Variants in CSN3 observed in about 807,000 individuals in gnomAD.
CSN3 encodes kappa-casein.
In CSN3, 7 loss-of-function variants were observed where a neutral mutation model predicts 9.9. The observed-to-expected ratio is 0.71, with a 90% CI of 0.40 to 1.33. CSN3 has a LOEUF of 1.33. Among genes scored for constraint, CSN3 ranks in the 40% most tolerant of loss-of-function variants. The pLI, the probability that CSN3 is intolerant of heterozygous loss-of-function variation, is 0.01. For missense variants in CSN3, 253 were observed against 227.9 expected, an observed-to-expected ratio of 1.11 and a Z score of -0.71; for synonymous variants, 88 against 82.3, an observed-to-expected ratio of 1.07 and a Z score of -0.37.
chr4:70,241,337 T>A (rs1730265214), upstream of CSN3, among the ~76,000 whole-genome samples: 1 of 152,060 alleles, frequency 6.6e-6, no homozygotes, highest in Non-Finnish European at 1.5e-5. Context: ...AAATTTCATA[T>A]TACTATTTTA....
chr4:70,245,855 T>A (rs927337581), intron 2 of CSN3, among the ~76,000 whole-genome samples: 5 of 152,194 alleles, frequency 3.3e-5, no homozygotes, highest in African/African-American at 1.2e-4. Flanking sequence ...TTTAAAACTT[T>A]GAGTTCTACA....
chr4:70,240,706 A>G (rs1248897657), upstream of CSN3, among the ~76,000 whole-genome samples: 2 of 152,034 alleles, frequency 1.3e-5, no homozygotes, highest in African/African-American at 4.8e-5. Context: ...CAATGTTACC[A>G]GTACTCAAGT....
exon 1 of CSN3, chr4:70,242,634 T>G (rs1398640924): frequency 6.6e-6 from 1 of 152,092 alleles, no homozygotes; most frequent in African/African-American, 2.4e-5. Flanking sequence ...CTCAACCTAC[T>G]GCCAACCAAG....
intron 4 of CSN3, among the ~76,000 whole-genome samples, chr4:70,249,803 C>T (rs6811557): frequency 6.6e-6 from 1 of 152,156 alleles, no homozygotes; most frequent in Non-Finnish European, 1.5e-5. Context: ...CACACACAAA[C>T]TATGACAGTA....
chr4:70,242,660 G>A (rs1248963102), exon 1 of CSN3: 3 of 152,046 alleles, frequency 2.0e-5, no homozygotes, highest in Non-Finnish European at 2.9e-5. Flanking sequence ...ACTGGCACGA[G>A]GAAAGGTAAT....
chr4:70,239,806 T>G (rs1284333226), upstream of CSN3, among the ~76,000 whole-genome samples: 5 of 152,002 alleles, frequency 3.3e-5, no homozygotes, highest in Non-Finnish European at 5.9e-5. Context: ...ATTTTGATAT[T>G]CCACTTTGCT....
rs999097567 is a variant in CSN3, at chr4:70,249,506, T to C, written c.*34+13T>C. The C allele has an allele frequency of 7.0e-7, 1 of 1,422,210 alleles. No homozygotes were observed. 88.1% of individuals were successfully genotyped at this position (1,422,210 alleles called of 1,614,324 possible). On this transcript the variant is annotated intron_variant, in intron 4 of 4. Coordinates refer to ENST00000304954, the Ensembl canonical transcript of CSN3. ...GAACACAACGCAGGTAAATTAACAG[T>C]ATATAAAATGAGTAATTCCGACAAG... is the stretch of plus-strand genomic sequence containing the variant.
At chr4:70,241,386 A>G (rs1038260047), upstream of CSN3, among the ~76,000 whole-genome samples, 2 of 152,008 alleles carry the variant, frequency 1.3e-5, no homozygotes, top group African/African-American at 4.8e-5. Flanking sequence ...GGTTTAGAAT[A>G]TTGTTCCTAA....
At chr4:70,250,274 A>G (rs556438463) in intron 4 of CSN3, among the ~76,000 whole-genome samples, 1 of 151,356 alleles carries the variant, frequency 6.6e-6, no homozygotes, top group Admixed American at 6.6e-5. Context: ...AAAGTTGCAA[A>G]ATGTGGAGTT....
At chr4:70,241,650 A>G (rs1303565340), upstream of CSN3, among the ~76,000 whole-genome samples, 1 of 152,018 alleles carries the variant, frequency 6.6e-6, no homozygotes, top group Non-Finnish European at 1.5e-5. Flanking sequence ...AATATTCTCA[A>G]TGTCAGTGGG....
chr4:70,241,269 A>T (rs1421749162), upstream of CSN3, among the ~76,000 whole-genome samples: 1 of 152,004 alleles, frequency 6.6e-6, no homozygotes, highest in Admixed American at 6.6e-5. Context: ...TGGTTTAGCC[A>T]TTTTAAATTC....
intron 2 of CSN3, among the ~76,000 whole-genome samples, chr4:70,247,379 A>G (rs551490212): frequency 2.2e-4 from 33 of 152,328 alleles, no homozygotes; most frequent in Middle Eastern, 6.8e-3. Flanking sequence ...GCAATATTTT[A>G]AATCTTCTAA....
At chr4:70,245,998 C>T (rs927954724) in intron 2 of CSN3, among the ~76,000 whole-genome samples, 11 of 152,102 alleles carry the variant, frequency 7.2e-5, no homozygotes, top group African/African-American at 2.2e-4. Context: ...CTACCTGAGC[C>T]GGATTCGTCT....
upstream of CSN3, among the ~76,000 whole-genome samples, chr4:70,241,242 T>C (rs966374323): frequency 6.6e-6 from 1 of 152,000 alleles, no homozygotes; most frequent in African/African-American, 2.4e-5. Flanking sequence ...ATGGCTGGTG[T>C]TATTACTTTA....
chr4:70,243,580 C>G (rs1206506455), intron 1 of CSN3, among the ~76,000 whole-genome samples: 1 of 151,998 alleles, frequency 6.6e-6, no homozygotes, highest in African/African-American at 2.4e-5. Context: ...GGCTTTAATT[C>G]TGTGAATCTT....
intron 2 of CSN3, among the ~76,000 whole-genome samples, chr4:70,245,470 C>T (rs781387478): frequency 1.3e-5 from 2 of 152,122 alleles, no homozygotes; most frequent in Non-Finnish European, 2.9e-5. Context: ...GGCTTGCAGG[C>T]ATTATCTTGA....
At chr4:70,245,912 CTT>C (rs1293514309) in intron 2 of CSN3, among the ~76,000 whole-genome samples, 1 of 152,110 alleles carries the variant, frequency 6.6e-6, no homozygotes, top group Non-Finnish European at 1.5e-5. Flanking sequence ...TAGGTTGTCT[CTT>C]TGAGTAATAG....
In CSN3 at chr4:70,244,805, T is replaced by C. The variant is rs537803187; in HGVS notation, c.-8-7T>C. 1.6e-5 allele frequency: 24 copies of C among 1,495,348 alleles called. No homozygotes were observed. In the South Asian group the frequency reaches 3.3e-4, roughly 21 times the overall value. 92.6% of individuals were successfully genotyped at this position (1,495,348 alleles called of 1,614,324 possible). Reference sequence around the variant, plus strand: ...TTAAATTAATTTTTTTTTAAATTTATCTTTAGGTGCAATAATGAAGAGTTT... The same window carrying C: ...TTAAATTAATTTTTTTTTAAATTTACCTTTAGGTGCAATAATGAAGAGTTT... On this transcript the variant is annotated splice_polypyrimidine_tract_variant and splice_region_variant and intron_variant, in intron 1 of 4. Transcript: ENST00000304954.
intron 2 of CSN3, among the ~76,000 whole-genome samples, chr4:70,246,084 T>G (rs1228313575): frequency 6.6e-6 from 1 of 151,940 alleles, no homozygotes; most frequent in Non-Finnish European, 1.5e-5. Context: ...AAAAAAAAAT[T>G]TATTGATTTT....
Sources: allele counts gnomAD v4.1 joint callset (sites outside exome capture counted in the v4.1 genomes callset), GRCh38; gene constraint gnomAD v4.1.1; transcripts MANE v1.5; gene names NCBI Gene and HGNC (gene_info 2026-07-23, HGNC 2026-07-21).